Variants in ADAM15 observed in about 807,000 individuals in gnomAD.
ADAM15 encodes ADAM metallopeptidase domain 15.
A neutral mutation model predicts 113.8 loss-of-function variants in ADAM15; 77 were observed. That is an observed-to-expected ratio of 0.68 (90% CI 0.56 to 0.82). ADAM15 has a LOEUF of 0.82. ADAM15 is among the 40% of genes least tolerant of loss of function. ADAM15 has a pLI of 0.00. For missense variants in ADAM15, 963 were observed against 1,120.1 expected (o/e 0.86, Z 2.00); for synonymous variants, 388 against 454.1 (o/e 0.85, Z 1.85).
rs11548311 is a variant in ADAM15 at position 155,054,395 on chromosome 1, G to A, written c.501G>A (p.Ser167=). Residue 167 remains serine (S), a synonymous_variant, in exon 6 of 23, where the codon TCG becomes TCA. Transcript: ENST00000356955. ...ACCTTCAGGGTCCTCCCATTATTTC[G>A]CGAATCCAAGATCTCCACCTGCCAG... is the stretch of plus-strand genomic sequence containing the variant. ...PGDLQGPPII[S]RIQDLHLPGH... 13 of 1,612,304 alleles carry A rather than the reference G, an allele frequency of 8.1e-6. No homozygotes were observed. Among genetic ancestry groups the A allele is most frequent in the African/African-American group, 2.7e-5 (2 of 74,660 alleles).
At chr1:155,052,335 G>A in intron 1 of ADAM15, 1 of 664,134 alleles carries the variant, frequency 1.5e-6, no homozygotes, top group Non-Finnish European at 2.5e-6. Context: ...GGGCGTTCCT[G>A]AAGTGGGGGG....
chr1:155,055,951 T>C lies in ADAM15; in HGVS notation c.695T>C (p.Phe232Ser). 6.2e-7 allele frequency: 1 copy of C among 1,614,196 alleles called. No individual in the cohort carries two copies. The highest frequency in any genetic ancestry group is 2.2e-5 in the East Asian group (1 of 44,886). The stretch of plus-strand genomic sequence containing the variant: ...CTACAGGCCCAGAAATACCGGGACT[T>C]CCAGCACCTGCTAAACCGCACACTG... ...DHSEAQKYRDFQHLLNRTLEV... is the reference protein window; with the variant it reads ...DHSEAQKYRDSQHLLNRTLEV... The change falls in exon 8 of 23, where the codon TTC becomes TCC. Residue 232 changes from phenylalanine (F) to serine (S), a missense_variant. Phe to Ser is a radical substitution (Grantham distance 155). Transcript: ENST00000356955.
chr1:155,058,763 T>C lies in ADAM15; in HGVS notation c.1971T>C (p.Cys657=). The stretch of plus-strand genomic sequence containing the variant: ...TGGATCTCCTGGGGGCACAGGAATG[T>C]CGAAGCAAATGCCATGGACATGGGG... ...QRVDLLGAQE[C]RSKCHGHGVC... The change falls in exon 16 of 23, where the codon TGT becomes TGC. Residue 657 remains cysteine, a synonymous_variant. Transcript: ENST00000356955. This position sits in a 1 kb window ranked among gnomAD's most constrained non-coding sequence, Gnocchi z 4.3. 6.2e-7 allele frequency: 1 copy of C among 1,613,074 alleles called. No individual in the cohort carries two copies.
intron 19 of ADAM15, chr1:155,061,055 TG>T: frequency 1.7e-6 from 1 of 590,836 alleles, no homozygotes; most frequent in Middle Eastern, 4.5e-4. Flanking sequence ...CAGGAGCTGC[TG>T]GGCTCCGTCC....
In ADAM15 at chr1:155,054,515, G is replaced by A; in HGVS notation, c.612+9G>A. On this transcript the variant is annotated intron_variant, in intron 6 of 22. Transcript: ENST00000356955. ...AGCGCCACATTCGCCGGGTGAGGATGAATGGCAGGGGGGTGGGCTTTGGTT... is the reference window on the plus strand; with the variant it reads ...AGCGCCACATTCGCCGGGTGAGGATAAATGGCAGGGGGGTGGGCTTTGGTT... 2 of 1,556,940 alleles carry A rather than the reference G, an allele frequency of 1.3e-6. No homozygotes were observed. Among genetic ancestry groups the A allele is most frequent in the Non-Finnish European group, 1.7e-6 (2 of 1,148,066 alleles).
At position 155,056,753 on chromosome 1, in the gene ADAM15, G is replaced by C. The variant is rs1424825643; in HGVS notation, c.1000-200G>C. Among the ~76,000 whole-genome samples the C allele has an allele frequency of 1.3e-5, 2 of 152,158 alleles. No homozygotes were observed. The highest frequency in any genetic ancestry group is 2.4e-5 in the African/African-American group (1 of 41,440). ...GGTGATCTCCCTCCAGTGAGGGAGGGGGACAGAGCTGAGCTAGAACCCAAG... is the reference window on the plus strand; with the variant it reads ...GGTGATCTCCCTCCAGTGAGGGAGGCGGACAGAGCTGAGCTAGAACCCAAG... On this transcript the variant is annotated intron_variant, in intron 10 of 22. Transcript: ENST00000356955. The surrounding 1 kb of genome is among the most constrained non-coding windows in gnomAD (Gnocchi z 4.0).
In ADAM15 at chr1:155,058,010, T is replaced by G; in HGVS notation, c.1576T>G (p.Ser526Ala). 1.9e-6 allele frequency: 3 copies of G among 1,613,836 alleles called. No homozygotes were observed. The highest frequency in any genetic ancestry group is 2.5e-6 in the Non-Finnish European group (3 of 1,180,036). ...QAVCMHGRCA[S>A]YAQQCQSLWG... ...TGTGTGCATGCACGGGCGTTGTGCC[T>G]CCTATGCCCAGCAGTGCCAGTCACT... The change falls in exon 14 of 23, where the codon TCC (serine) becomes GCC (alanine). Residue 526 changes from serine (S) to alanine (A), a missense_variant. Physicochemically the swap from Ser to Ala is moderately conservative, Grantham distance 99 (BLOSUM62 1). Transcript: ENST00000356955. This position sits in a 1 kb window ranked among gnomAD's most constrained non-coding sequence, Gnocchi z 4.3.
At chr1:155,061,359 T>G in intron 19 of ADAM15, 56 bp from the exon 20 acceptor site, 9 of 1,509,848 alleles carry the variant, frequency 6.0e-6, no homozygotes, top group Non-Finnish European at 8.2e-6. Context: ...CTGCCCACTC[T>G]GTCTCTCTGC....
rs1487269523 is a variant in ADAM15 at position 155,058,288 on chromosome 1, C to T, written c.1764C>T (p.Thr588=). ...CGQLQCQTGR[T]QPLLGSIRDL... ...AGCTCCAGTGCCAGACAGGTAGGAC[C>T]CAGCCTCTGCTGGGCTCCATCCGGG... The change falls in exon 15 of 23, where the codon ACC becomes ACT. Residue 588 remains threonine (T), a synonymous_variant. Coordinates refer to ENST00000356955, the MANE Select transcript of ADAM15 (RefSeq NM_207197.3). This position sits in a 1 kb window ranked among gnomAD's most constrained non-coding sequence, Gnocchi z 4.3. 1.2e-6 allele frequency: 2 copies of T among 1,613,858 alleles called. No individual in the cohort carries two copies. Among genetic ancestry groups the T allele is most frequent in the Non-Finnish European group, 1.7e-6 (2 of 1,180,022 alleles).
intron 3 of ADAM15, 108 bp downstream of exon 3, chr1:155,053,601 C>G: frequency 1.8e-6 from 2 of 1,113,136 alleles, no homozygotes; most frequent in Non-Finnish European, 2.7e-6. Flanking sequence ...TCATAACAGC[C>G]CTATAAGGGA....
intron 3 of ADAM15, 34 bp downstream of exon 3, chr1:155,053,527 T>C: frequency 6.2e-7 from 1 of 1,607,638 alleles, no homozygotes; most frequent in African/African-American, 1.3e-5. Context: ...AGTGACCACA[T>C]GGCCAACAAC....
chr1:155,057,626 C>T lies in ADAM15; in HGVS notation c.1324-11C>T, dbSNP rs1661959870. The T allele has an allele frequency of 1.9e-6, 3 of 1,614,010 alleles. No homozygotes were observed. The highest frequency in any genetic ancestry group is 2.2e-5 in the East Asian group (1 of 44,900). On this transcript the variant is annotated splice_polypyrimidine_tract_variant and intron_variant, in intron 12 of 22. Transcript: ENST00000356955. The surrounding 1 kb of genome is among the most constrained non-coding windows in gnomAD (Gnocchi z 5.0). ...TGCTCTGATGCCCGGCCCCCGTGCTCCTGCCCACAGGACTGCGTCGATCCC... is the reference window on the plus strand; with the variant it reads ...TGCTCTGATGCCCGGCCCCCGTGCTTCTGCCCACAGGACTGCGTCGATCCC...
chr1:155,055,675 C>A, intron 6 of ADAM15, 115 bp from the exon 7 acceptor site: 2 of 1,148,210 alleles, frequency 1.7e-6, no homozygotes, highest in Non-Finnish European at 2.6e-6. Context: ...GTAAAATGGG[C>A]TCTTCACCCT....
At position 155,058,550 on chromosome 1, in the gene ADAM15, G is replaced by A; in HGVS notation, c.1917+109G>A. The A allele has an allele frequency of 1.3e-6, 2 of 1,551,766 alleles. No individual in the cohort carries two copies. Among genetic ancestry groups the A allele is most frequent in the African/African-American group, 2.7e-5 (2 of 73,360 alleles). On this transcript the variant is annotated intron_variant, in intron 15 of 22. Transcript: ENST00000356955. The surrounding 1 kb of genome is among the most constrained non-coding windows in gnomAD (Gnocchi z 4.3). Reference sequence around the variant, plus strand: ...AATGTCAAAGGCAGGGACTCCAAGGGAAGTCAGTTTCTTACTTCAGATGGA... The same window carrying A: ...AATGTCAAAGGCAGGGACTCCAAGGAAAGTCAGTTTCTTACTTCAGATGGA...
Position 155,062,426 on chromosome 1 carries a change from TCTGA to T in ADAM15, c.2550-31_2550-28del. The T allele has an allele frequency of 1.9e-6, 3 of 1,612,922 alleles. No homozygotes were observed. Among genetic ancestry groups the T allele is most frequent in the South Asian group, 2.2e-5 (2 of 90,980 alleles). On this transcript the variant is annotated intron_variant, in intron 22 of 22. Coordinates refer to ENST00000356955, the MANE Select transcript of ADAM15 (RefSeq NM_207197.3). This position sits in a 1 kb window ranked among gnomAD's most constrained non-coding sequence, Gnocchi z 7.0. ...GCGAGTGACCTGGGGGAAAGGGGCC[TCTGA>T]CTCTTTTTTCTTGGCTTCCCGCAAT...
chr1:155,055,541 A>T (rs1013396540), intron 6 of ADAM15: 120 of 539,122 alleles, frequency 2.2e-4, no homozygotes, highest in Middle Eastern at 5.1e-4. Flanking sequence ...ACTGTTTTTT[A>T]AAAATTTGAA....
chr1:155,062,051 G>A lies in ADAM15; in HGVS notation c.2424+76G>A, dbSNP rs1220894364. ...TGGTGCTGGTAGCCATGACGGTGGT[G>A]GCCGTGGCGAGATGCCCCCTCAGTG... On this transcript the variant is annotated intron_variant, in intron 21 of 22. Coordinates refer to ENST00000356955, the MANE Select transcript of ADAM15 (RefSeq NM_207197.3). The surrounding 1 kb of genome is among the most constrained non-coding windows in gnomAD (Gnocchi z 7.0). The A allele has an allele frequency of 6.8e-7, 1 of 1,481,130 alleles. No individual in the cohort carries two copies. Among genetic ancestry groups the A allele is most frequent in the Non-Finnish European group, 9.0e-7 (1 of 1,113,150 alleles). 91.7% of individuals were successfully genotyped at this position (1,481,130 alleles called of 1,614,324 possible).
At chr1:155,059,048 T>A (rs1662181331) in intron 16 of ADAM15, among the ~76,000 whole-genome samples, 1 of 152,154 alleles carries the variant, frequency 6.6e-6, no homozygotes, top group Non-Finnish European at 1.5e-5. Flanking sequence ...CTCATGCCTA[T>A]AATCACAGTT....
At chr1:155,052,949 TC>T (rs1014053505) in intron 2 of ADAM15, among the ~76,000 whole-genome samples, 172 bp downstream of exon 2, 4 of 152,076 alleles carry the variant, frequency 2.6e-5, no homozygotes, top group African/African-American at 9.7e-5. Context: ...GCTTCACTTA[TC>T]TCCCTCTCCC....
Sources: allele counts gnomAD v4.1 joint callset (sites outside exome capture counted in the v4.1 genomes callset), GRCh38; gene constraint gnomAD v4.1.1; non-coding constraint Gnocchi (gnomAD v3.1); transcripts MANE v1.5; gene names NCBI Gene and HGNC (gene_info 2026-07-23, HGNC 2026-07-21).